Variants in CAST observed in about 807,000 individuals in gnomAD.
CAST encodes the protein calpastatin.
Under a neutral mutation model 119.6 loss-of-function variants are expected in CAST, and 76 were observed. The observed-to-expected ratio is 0.64, with a 90% CI of 0.53 to 0.77. CAST has a LOEUF of 0.77. Ranked by LOEUF, CAST falls within the 30% of genes least tolerant of loss-of-function variation. CAST has a pLI of 0.00. For synonymous variants in CAST, 319 were observed against 331.6 expected (o/e 0.96, Z 0.41); for missense variants, 953 against 946.5 (o/e 1.01, Z -0.09).
chr5:96,230,113 A>G, the CAST span, among the ~76,000 whole-genome samples: 1 of 151,618 alleles, frequency 6.6e-6, no homozygotes, highest in South Asian at 2.1e-4. Flanking sequence ...TACATGGAAG[A>G]ACTTCTTATA....
intron 1 of CAST, among the ~76,000 whole-genome samples, chr5:96,600,712 G>T (rs940502775): frequency 1.3e-5 from 2 of 152,146 alleles, no homozygotes; most frequent in African/African-American, 4.8e-5. Flanking sequence ...GCGCAAAACT[G>T]AGCCTCTCTG....
the CAST span, among the ~76,000 whole-genome samples, chr5:96,089,527 T>G: frequency 2.6e-5 from 4 of 152,358 alleles, no homozygotes; most frequent in Non-Finnish European, 5.9e-5. Context: ...ATTTTAATAA[T>G]TGTTAAAAGG....
intron 1 of CAST, among the ~76,000 whole-genome samples, chr5:96,621,471 T>A (rs1001266861): frequency 6.6e-6 from 1 of 152,166 alleles, no homozygotes; most frequent in Non-Finnish European, 1.5e-5. Context: ...TCAGGAAACT[T>A]ACAGTCATGG....
the CAST span, among the ~76,000 whole-genome samples, chr5:96,251,662 C>T: frequency 6.6e-6 from 1 of 151,954 alleles, no homozygotes; most frequent in Non-Finnish European, 1.5e-5. Flanking sequence ...ACACTCTGGC[C>T]ACAGAGAAGC....
At chr5:96,360,708 C>T in the CAST span, among the ~76,000 whole-genome samples, 1 of 152,192 alleles carries the variant, frequency 6.6e-6, no homozygotes, top group Non-Finnish European at 1.5e-5. Context: ...CTGGAAGCTT[C>T]ATCCCAGAGG....
chr5:96,561,797 T>TTTTTTTC (rs1561417170), intron 1 of CAST, among the ~76,000 whole-genome samples: 2 of 76,668 alleles, frequency 2.6e-5, no homozygotes. Flanking sequence ...TTTTTTTTTG[T>TTTTTTTC]TTTTTTTTTT....
intron 19 of CAST, among the ~76,000 whole-genome samples, chr5:96,748,896 C>T (rs1764364295): frequency 6.6e-6 from 1 of 152,194 alleles, no homozygotes; most frequent in South Asian, 2.1e-4. Context: ...ACTGTCACCA[C>T]CCCTCCCCTC....
chr5:96,540,593 A>G (rs1484118703), intron 1 of CAST, among the ~76,000 whole-genome samples: 1 of 152,192 alleles, frequency 6.6e-6, no homozygotes. Context: ...ATGTTGATAC[A>G]CTATTATTAA....
chr5:96,228,362 T>C, the CAST span, among the ~76,000 whole-genome samples: 1 of 152,212 alleles, frequency 6.6e-6, no homozygotes, highest in African/African-American at 2.4e-5. Flanking sequence ...AAGATTAATC[T>C]GCCCAAGTTT....
the CAST span, among the ~76,000 whole-genome samples, chr5:96,335,364 T>C: frequency 2.0e-5 from 3 of 152,228 alleles, no homozygotes; most frequent in African/African-American, 7.2e-5. Context: ...TTTGTCTCAC[T>C]GTATGTTTCT....
the CAST span, among the ~76,000 whole-genome samples, chr5:96,319,591 G>A: frequency 6.6e-6 from 1 of 152,124 alleles, no homozygotes; most frequent in Admixed American, 6.5e-5. Context: ...GGCGTGCTCT[G>A]TGTATCACAG....
At chr5:96,469,868 T>C in the CAST span, among the ~76,000 whole-genome samples, 1 of 104,924 alleles carries the variant, frequency 9.5e-6, no homozygotes, top group African/African-American at 4.5e-5. Flanking sequence ...TGTGTGTGTA[T>C]ATATATATAT....
At chr5:96,079,555 A>C in the CAST span, among the ~76,000 whole-genome samples, 1 of 152,212 alleles carries the variant, frequency 6.6e-6, no homozygotes, top group Non-Finnish European at 1.5e-5. Flanking sequence ...ATATGGTAAA[A>C]AGTGTAAATT....
At chr5:96,198,023 C>T in the CAST span, among the ~76,000 whole-genome samples, 1 of 152,190 alleles carries the variant, frequency 6.6e-6, no homozygotes, top group African/African-American at 2.4e-5. Flanking sequence ...CTTGGCCTCC[C>T]AATGTGTTGT....
At chr5:96,186,936 AT>A in the CAST span, among the ~76,000 whole-genome samples, 1 of 152,026 alleles carries the variant, frequency 6.6e-6, no homozygotes, top group East Asian at 1.9e-4. Flanking sequence ...ACTAGCTCTT[AT>A]TTGTACATCC....
the CAST span, among the ~76,000 whole-genome samples, chr5:96,315,660 A>G: frequency 6.6e-6 from 1 of 152,218 alleles, no homozygotes; most frequent in African/African-American, 2.4e-5. Context: ...GTAGAGGTCT[A>G]TTGCCTTCCC....
chr5:96,131,881 T>C, the CAST span, among the ~76,000 whole-genome samples: 1 of 152,196 alleles, frequency 6.6e-6, no homozygotes, highest in Admixed American at 6.5e-5. Flanking sequence ...ATTCAGGTGA[T>C]GTTGGCAGCC....
chr5:96,082,064 C>T, the CAST span, among the ~76,000 whole-genome samples: 1 of 152,150 alleles, frequency 6.6e-6, no homozygotes, highest in South Asian at 2.1e-4. Context: ...CAGGCGCACG[C>T]TACCACACCT....
the CAST span, among the ~76,000 whole-genome samples, chr5:96,370,365 G>A: frequency 6.6e-6 from 1 of 152,082 alleles, no homozygotes; most frequent in Admixed American, 6.5e-5. Flanking sequence ...AGACAAAAAA[G>A]AAGCAAGCAG....
Sources: allele counts gnomAD v4.1 joint callset (sites outside exome capture counted in the v4.1 genomes callset), GRCh38; gene constraint gnomAD v4.1.1; transcripts MANE v1.5; gene names NCBI Gene and HGNC (gene_info 2026-07-23, HGNC 2026-07-21).